The following MAGI1 variants were observed in gnomAD, a reference collection of about 807,000 sequenced individuals.
The protein encoded by MAGI1 is membrane associated guanylate kinase, WW and PDZ domain containing 1.
In MAGI1, 58 loss-of-function variants were observed where a neutral mutation model predicts 139.9. That is an observed-to-expected ratio of 0.41 (90% CI 0.34 to 0.52). MAGI1 has a LOEUF of 0.52. Ranked by LOEUF, MAGI1 falls within the 20% of genes least tolerant of loss-of-function variation. The pLI is 0.12. For missense variants in MAGI1, 1,874 were observed against 1,901.6 expected (o/e 0.99, Z 0.27); for synonymous variants, 812 against 737.9 (o/e 1.10, Z -1.63).
intron 18 of MAGI1, among the ~76,000 whole-genome samples, chr3:65,366,157 A>G (rs1032299999): frequency 1.3e-5 from 2 of 152,198 alleles, no homozygotes; most frequent in African/African-American, 4.8e-5. Flanking sequence ...CTCATGGATA[A>G]AAGTATATGC....
intron 22 of MAGI1, chr3:65,360,063 C>T (rs1222952742): frequency 1.0e-6 from 1 of 985,328 alleles, no homozygotes; most frequent in Non-Finnish European, 1.2e-6. Context: ...TCCCCCTGTA[C>T]CTCGGACCCC....
chr3:65,956,950 C>G (rs1047250988), intron 1 of MAGI1, among the ~76,000 whole-genome samples: 1 of 151,972 alleles, frequency 6.6e-6, no homozygotes, highest in African/African-American at 2.4e-5. Flanking sequence ...TGCAGTGAGC[C>G]AAGATCACGT....
intron 1 of MAGI1, among the ~76,000 whole-genome samples, chr3:65,828,924 G>C (rs1329162929): frequency 2.0e-5 from 3 of 152,192 alleles, no homozygotes; most frequent in Non-Finnish European, 4.4e-5. Context: ...CATGGAATGT[G>C]GGTGGCCGCT....
At chr3:65,583,367 A>C (rs944475472) in intron 2 of MAGI1, among the ~76,000 whole-genome samples, 4 of 152,178 alleles carry the variant, frequency 2.6e-5, no homozygotes, top group Non-Finnish European at 5.9e-5. Flanking sequence ...AGACAGCTGA[A>C]TGAAGCTATG....
intron 2 of MAGI1, among the ~76,000 whole-genome samples, chr3:65,523,192 A>G (rs1453975962): frequency 1.3e-5 from 2 of 152,180 alleles, no homozygotes; most frequent in Admixed American, 6.5e-5. Context: ...ACTGTGTATG[A>G]TACTATTACC....
At chr3:65,391,979 A>T (rs1943952897) in intron 13 of MAGI1, among the ~76,000 whole-genome samples, 1 of 152,222 alleles carries the variant, frequency 6.6e-6, no homozygotes, top group African/African-American at 2.4e-5. Flanking sequence ...TTCTTAGCTA[A>T]TCAATTTGGC....
intron 1 of MAGI1, among the ~76,000 whole-genome samples, chr3:65,976,547 C>T (rs1489962300): frequency 6.6e-6 from 1 of 152,164 alleles, no homozygotes; most frequent in Non-Finnish European, 1.5e-5. Flanking sequence ...ACGAGAATCA[C>T]TTGAACCTGG....
chr3:65,711,665 T>C (rs1356658744), intron 1 of MAGI1, among the ~76,000 whole-genome samples: 1 of 152,070 alleles, frequency 6.6e-6, no homozygotes, highest in Non-Finnish European at 1.5e-5. Flanking sequence ...ATTGGTGTCC[T>C]GAGAAAAAGA....
chr3:65,736,482 A>C (rs918308209), intron 1 of MAGI1, among the ~76,000 whole-genome samples: 1 of 152,192 alleles, frequency 6.6e-6, no homozygotes, highest in African/African-American at 2.4e-5. Context: ...TGCTGTCTGC[A>C]AGCTAAAGAA....
rs140869181 is a variant in MAGI1 at position 65,829,669 on chromosome 3, G to A, written c.314-207581C>T. ...GACACATGGTATATTGCTTACAAAT[G>A]TTTTTTAATAAGCATGAGAGTTGTA... is the stretch of plus-strand genomic sequence containing the variant. On this transcript the variant is annotated intron_variant, in intron 1 of 22. Coordinates refer to ENST00000402939, the MANE Select transcript of MAGI1 (RefSeq NM_001033057.2). Among the ~76,000 whole-genome samples the A allele has an allele frequency of 2.2e-3, 341 of 152,262 alleles. 6 individuals carry two copies. The highest frequency in any genetic ancestry group is 7.8e-3 in the African/African-American group (324 of 41,546).
At chr3:66,036,690 G>A (rs2068939277) in intron 1 of MAGI1, among the ~76,000 whole-genome samples, 2 of 152,222 alleles carry the variant, frequency 1.3e-5, no homozygotes, top group African/African-American at 4.8e-5. Flanking sequence ...TTCCAAGAGA[G>A]GACCAGCTAG....
At chr3:65,568,891 T>C (rs1354214734) in intron 2 of MAGI1, among the ~76,000 whole-genome samples, 1 of 152,224 alleles carries the variant, frequency 6.6e-6, no homozygotes, top group Admixed American at 6.5e-5. Flanking sequence ...TAGCAATGAG[T>C]TCATAATAAT....
intron 1 of MAGI1, among the ~76,000 whole-genome samples, chr3:65,996,209 G>T (rs1454072632): frequency 6.6e-6 from 1 of 151,998 alleles, no homozygotes; most frequent in Non-Finnish European, 1.5e-5. Context: ...AATAATTACA[G>T]CACCTACCTC....
chr3:65,942,167 G>C (rs931685255), intron 1 of MAGI1, among the ~76,000 whole-genome samples: 2 of 151,872 alleles, frequency 1.3e-5, no homozygotes, highest in African/African-American at 2.4e-5. Context: ...TATATGCACA[G>C]CACAGTCTGA....
At chr3:65,562,929 G>C (rs929507262) in intron 2 of MAGI1, among the ~76,000 whole-genome samples, 1 of 152,060 alleles carries the variant, frequency 6.6e-6, no homozygotes, top group African/African-American at 2.4e-5. Flanking sequence ...TTCCCTGTTT[G>C]GGATCTGTAG....
Position 66,027,593 on chromosome 3 carries a change from T to C in MAGI1, c.313+10403A>G, listed in dbSNP as rs369734900. 1.4e-4 allele frequency among the ~76,000 whole-genome samples: 22 copies of C among 152,340 alleles called. No homozygotes were observed. The East Asian group carries it at 1.5e-3, about 11-fold the overall frequency. On this transcript the variant is annotated intron_variant, in intron 1 of 22. Coordinates refer to ENST00000402939, the MANE Select transcript of MAGI1 (RefSeq NM_001033057.2). ...AGGAGAACCTGACTTCTCAAGCTAA[T>C]TTTCTCACAGCTGAAATGAGAATAA... is the stretch of plus-strand genomic sequence containing the variant.
chr3:65,621,938 C>CAA (rs1559728938), intron 2 of MAGI1, 34 bp downstream of exon 2: 2 of 1,451,204 alleles, frequency 1.4e-6, no homozygotes, highest in Non-Finnish European at 1.9e-6. Flanking sequence ...CACACACACA[C>CAA]ACAGCAGTGA....
intron 1 of MAGI1, among the ~76,000 whole-genome samples, chr3:65,974,824 TA>T (rs1364896260): frequency 1.3e-5 from 2 of 152,162 alleles, no homozygotes; most frequent in Non-Finnish European, 2.9e-5. Flanking sequence ...CAGATTTTTA[TA>T]ACCTTATCCT....
At chr3:65,401,621 G>A in intron 12 of MAGI1, 151 bp from the exon 13 acceptor site, 2 of 1,550,390 alleles carry the variant, frequency 1.3e-6, no homozygotes, top group Non-Finnish European at 1.7e-6. Context: ...GGAGTTACCA[G>A]GCTGTTCATA....
Sources: allele counts gnomAD v4.1 joint callset (sites outside exome capture counted in the v4.1 genomes callset), GRCh38; gene constraint gnomAD v4.1.1; transcripts MANE v1.5; gene names NCBI Gene and HGNC (gene_info 2026-07-23, HGNC 2026-07-21).